The following KIF26B variants were observed in gnomAD, a reference collection of about 807,000 sequenced individuals.
The protein encoded by KIF26B is kinesin family member 26B.
Under a neutral mutation model 151.2 loss-of-function variants are expected in KIF26B, and 63 were observed. The ratio of observed to expected loss-of-function variants is 0.42; its 90% CI spans 0.34 to 0.51. KIF26B has a LOEUF of 0.51. Ranked by LOEUF, KIF26B falls within the 20% of genes least tolerant of loss-of-function variation. KIF26B has a pLI of 0.07. For synonymous variants in KIF26B, 1,357 were observed against 1,262.1 expected (o/e 1.08, Z -1.59); for missense variants, 2,813 against 2,913.6 (o/e 0.97, Z 0.79).
intron 2 of KIF26B, among the ~76,000 whole-genome samples, chr1:245,176,487 A>T (rs1281436275): frequency 6.6e-6 from 1 of 152,142 alleles, no homozygotes; most frequent in African/African-American, 2.4e-5. Context: ...TGCATCCCAG[A>T]TGTTCCTGGA....
At position 245,334,973 on chromosome 1, in the gene KIF26B, C is replaced by T. The variant is rs151122896; in HGVS notation, c.466-31861C>T. Reference sequence around the variant, plus strand: ...CCAGGTCTCATGACCTTAAGTTGGGCGAGAACTGGATGTAATCTGGAGTGG... The same window carrying T: ...CCAGGTCTCATGACCTTAAGTTGGGTGAGAACTGGATGTAATCTGGAGTGG... On this transcript the variant is annotated intron_variant, in intron 2 of 14. Coordinates refer to ENST00000407071, the MANE Select transcript of KIF26B (RefSeq NM_018012.4). 5.8e-4 allele frequency among the ~76,000 whole-genome samples: 88 copies of T among 152,248 alleles called. 2 individuals carry two copies. In the East Asian group the frequency reaches 0.016, roughly 28 times the overall value.
At chr1:245,694,645 G>A (rs1355764499) in intron 12 of KIF26B, among the ~76,000 whole-genome samples, 2 of 152,178 alleles carry the variant, frequency 1.3e-5, no homozygotes, top group Non-Finnish European at 2.9e-5. Flanking sequence ...ACCGGAAGAT[G>A]GACTGTGATG....
chr1:245,373,276 C>A (rs1358590998), intron 3 of KIF26B, among the ~76,000 whole-genome samples: 2 of 152,134 alleles, frequency 1.3e-5, no homozygotes, highest in African/African-American at 2.4e-5. Context: ...GAAAGAATTC[C>A]AGGCCAAAGA....
intron 2 of KIF26B, among the ~76,000 whole-genome samples, chr1:245,242,817 A>G (rs2941281): frequency 0.6 from 91,700 of 151,814 alleles, 28,603 homozygotes; most frequent in Non-Finnish European, 0.67. Flanking sequence ...ACAACTGGCT[A>G]ATTTTTGTAT....
chr1:245,485,565 G>T (rs1294710100), intron 4 of KIF26B, among the ~76,000 whole-genome samples: 3 of 152,048 alleles, frequency 2.0e-5, no homozygotes, highest in African/African-American at 7.3e-5. Flanking sequence ...TGTATTTTTA[G>T]TAGAGACGGG....
chr1:245,211,196 C>T (rs778022131), intron 2 of KIF26B, among the ~76,000 whole-genome samples: 10 of 152,116 alleles, frequency 6.6e-5, no homozygotes, highest in Non-Finnish European at 1.0e-4. Context: ...GGGTGTGGGA[C>T]GGGAGCAGTC....
At chr1:245,432,268 C>G (rs1658799475) in intron 4 of KIF26B, among the ~76,000 whole-genome samples, 1 of 152,130 alleles carries the variant, frequency 6.6e-6, no homozygotes. Flanking sequence ...TCAGTTCAAA[C>G]CACATGCTCA....
At chr1:245,288,161 T>A (rs1671199361) in intron 2 of KIF26B, among the ~76,000 whole-genome samples, 1 of 152,222 alleles carries the variant, frequency 6.6e-6, no homozygotes, top group African/African-American at 2.4e-5. Flanking sequence ...GGAGTCCATC[T>A]GCTCTGAATA....
Position 245,324,965 on chromosome 1 carries a change from T to G in KIF26B, c.466-41869T>G, listed in dbSNP as rs185584909. Among the ~76,000 whole-genome samples the G allele has an allele frequency of 4.5e-3, 676 of 151,614 alleles. 4 individuals are homozygous for G. Among genetic ancestry groups the G allele is most frequent in the African/African-American group, 0.015 (630 of 41,348 alleles). The stretch of plus-strand genomic sequence containing the variant: ...CAAAAATTAGCCAGGTGTGGTGGCA[T>G]GCACCTGTAATCCCACCTACTCAGG... On this transcript the variant is annotated intron_variant, in intron 2 of 14. Transcript: ENST00000407071.
chr1:245,354,634 C>G (rs1672643048), intron 2 of KIF26B, among the ~76,000 whole-genome samples: 1 of 152,246 alleles, frequency 6.6e-6, no homozygotes, highest in African/African-American at 2.4e-5. Context: ...GCCAGGGGCA[C>G]TGTGTCCACC....
intron 3 of KIF26B, among the ~76,000 whole-genome samples, chr1:245,408,429 A>G (rs1674192315): frequency 7.3e-6 from 1 of 137,016 alleles, no homozygotes; most frequent in Non-Finnish European, 1.5e-5. Context: ...ATCTCAGCTC[A>G]CTGCAACCTC....
At chr1:245,299,320 G>GTTTTTTTT (rs55957858) in intron 2 of KIF26B, among the ~76,000 whole-genome samples, 18 of 103,180 alleles carry the variant, frequency 1.7e-4, no homozygotes, top group African/African-American at 5.3e-4. Flanking sequence ...CCAATTCTGG[G>GTTTTTTTT]TTTTTTTTTT....
chr1:245,611,760 C>T (rs1406023109), intron 8 of KIF26B, 33 bp from the exon 9 acceptor site: 1 of 1,601,794 alleles, frequency 6.2e-7, no homozygotes. Context: ...CCTCCTCAGC[C>T]TGCAGCCTCA....
intron 2 of KIF26B, among the ~76,000 whole-genome samples, chr1:245,313,589 T>C (rs1671704731): frequency 6.6e-6 from 1 of 152,208 alleles, no homozygotes; most frequent in African/African-American, 2.4e-5. Context: ...TCTGCAGGTC[T>C]GAGCGGTCAA....
At chr1:245,637,596 G>A (rs948792390) in intron 9 of KIF26B, among the ~76,000 whole-genome samples, 1 of 151,796 alleles carries the variant, frequency 6.6e-6, no homozygotes, top group Non-Finnish European at 1.5e-5. Flanking sequence ...CCAATGTCCT[G>A]TAGTATCTCC....
At chr1:245,430,171 G>A (rs1024989715) in intron 4 of KIF26B, among the ~76,000 whole-genome samples, 1 of 152,014 alleles carries the variant, frequency 6.6e-6, no homozygotes, top group Non-Finnish European at 1.5e-5. Context: ...AGGGAGGATG[G>A]GGTGACATGG....
intron 5 of KIF26B, among the ~76,000 whole-genome samples, chr1:245,585,221 T>C (rs2043212048): frequency 6.6e-6 from 1 of 152,220 alleles, no homozygotes; most frequent in Admixed American, 6.5e-5. Flanking sequence ...GTCTGAGAAC[T>C]TAAACTATGC....
At chr1:245,469,571 C>T (rs1307085568) in intron 4 of KIF26B, among the ~76,000 whole-genome samples, 1 of 152,098 alleles carries the variant, frequency 6.6e-6, no homozygotes, top group Non-Finnish European at 1.5e-5. Context: ...TCCTTCACTC[C>T]AGGACGAAAC....
At chr1:245,662,547 CAATGA>C (rs2044162259) in intron 10 of KIF26B, among the ~76,000 whole-genome samples, 2 of 135,868 alleles carry the variant, frequency 1.5e-5, no homozygotes, top group South Asian at 2.5e-4. Context: ...TATACACACC[CAATGA>C]TATATATATA....
Sources: allele counts gnomAD v4.1 joint callset (sites outside exome capture counted in the v4.1 genomes callset), GRCh38; gene constraint gnomAD v4.1.1; transcripts MANE v1.5; gene names NCBI Gene and HGNC (gene_info 2026-07-23, HGNC 2026-07-21).